The following RALGAPA2 variants were observed in gnomAD, a reference collection of about 807,000 sequenced individuals.
The protein encoded by RALGAPA2 is ral GTPase-activating protein subunit alpha-2.
In RALGAPA2, 139 loss-of-function variants were observed where a neutral mutation model predicts 230.4. The observed-to-expected ratio is 0.60, with a 90% CI of 0.53 to 0.69. RALGAPA2 has a LOEUF of 0.69. Among genes scored for constraint, RALGAPA2 ranks in the 30% least tolerant of loss-of-function variants. RALGAPA2 has a pLI of 0.00. For missense variants in RALGAPA2, 2,163 were observed against 2,276.0 expected (o/e 0.95, Z 1.01); for synonymous variants, 847 against 837.8 (o/e 1.01, Z -0.19).
At chr20:20,650,863 T>C (rs1442165533) in intron 4 of RALGAPA2, among the ~76,000 whole-genome samples, 1 of 152,212 alleles carries the variant, frequency 6.6e-6, no homozygotes, top group African/African-American at 2.4e-5. Flanking sequence ...GTGAGGTATA[T>C]ATGTATATAA....
intron 4 of RALGAPA2, among the ~76,000 whole-genome samples, chr20:20,653,043 A>G (rs562454777): frequency 5.3e-5 from 8 of 151,810 alleles, no homozygotes; most frequent in African/African-American, 1.9e-4. Flanking sequence ...ATACAAAAAA[A>G]AAATTAGCCG....
At chr20:20,591,631 G>C (rs1211821103) in intron 16 of RALGAPA2, among the ~76,000 whole-genome samples, 2 of 152,122 alleles carry the variant, frequency 1.3e-5, no homozygotes, top group African/African-American at 4.8e-5. Context: ...CAAGGAAAGA[G>C]AGATTCAGGA....
At chr20:20,481,816 A>G (rs2061782154) in intron 36 of RALGAPA2, among the ~76,000 whole-genome samples, 1 of 152,218 alleles carries the variant, frequency 6.6e-6, no homozygotes, top group South Asian at 2.1e-4. Context: ...TTATGCTCTT[A>G]TCAACTACAT....
Position 20,622,240 on chromosome 20 carries a change from T to A in RALGAPA2, c.1234-1610A>T, listed in dbSNP as rs568962506. ...AAGAGAAAATACAATGAATAGGTTA[T>A]CCAATGAATGACTGGAGATGCAGAA... On this transcript the variant is annotated intron_variant, in intron 10 of 39. Transcript: ENST00000202677. Among the ~76,000 whole-genome samples, 3 of 150,978 alleles carry A rather than the reference T, an allele frequency of 2.0e-5. No individual in the cohort carries two copies. The East Asian group carries it at 5.8e-4, about 29-fold the overall frequency.
chr20:20,625,100 C>G (rs1021916185), intron 10 of RALGAPA2, among the ~76,000 whole-genome samples: 1 of 152,112 alleles, frequency 6.6e-6, no homozygotes, highest in African/African-American at 2.4e-5. Flanking sequence ...TACCTGCTTG[C>G]TTATTTCCAT....
At chr20:20,411,901 A>G in intron 38 of RALGAPA2, 126 bp downstream of exon 38, 1 of 1,254,072 alleles carries the variant, frequency 8.0e-7, no homozygotes, top group South Asian at 1.4e-5. Context: ...TTTGATATTC[A>G]TTAGTTGATT....
intron 4 of RALGAPA2, among the ~76,000 whole-genome samples, chr20:20,650,172 T>C (rs1195211381): frequency 6.6e-6 from 1 of 152,096 alleles, no homozygotes; most frequent in African/African-American, 2.4e-5. Flanking sequence ...TTCAAATATG[T>C]TTCCTCATTC....
intron 1 of RALGAPA2, among the ~76,000 whole-genome samples, chr20:20,700,045 T>C (rs571231793): frequency 6.6e-6 from 1 of 152,138 alleles, no homozygotes; most frequent in South Asian, 2.1e-4. Flanking sequence ...CAGAAAAACA[T>C]GGAATCAACC....
intron 37 of RALGAPA2, among the ~76,000 whole-genome samples, chr20:20,449,410 A>G (rs2060938237): frequency 6.6e-6 from 1 of 152,252 alleles, no homozygotes; most frequent in Admixed American, 6.5e-5. Flanking sequence ...ATGGAAATGA[A>G]GGGAGCAGAA....
At chr20:20,582,945 T>A (rs1355241306) in intron 20 of RALGAPA2, 105 bp downstream of exon 20, 34 of 1,240,920 alleles carry the variant, frequency 2.7e-5, no homozygotes, top group Non-Finnish European at 3.4e-5. Flanking sequence ...ATGGCACACT[T>A]CCTCCTACAA....
chr20:20,554,580 G>T (rs1431894710), intron 23 of RALGAPA2, among the ~76,000 whole-genome samples: 1 of 152,068 alleles, frequency 6.6e-6, no homozygotes, highest in Admixed American at 6.6e-5. Flanking sequence ...TATTTGGGCT[G>T]TCTTTTTGTT....
intron 23 of RALGAPA2, 27 bp from the exon 24 acceptor site, chr20:20,546,859 A>G (rs2095158813): frequency 6.4e-7 from 1 of 1,554,216 alleles, no homozygotes; most frequent in Middle Eastern, 1.8e-4. Flanking sequence ...GAAAAAACAC[A>G]ATCGTAATGT....
intron 26 of RALGAPA2, among the ~76,000 whole-genome samples, chr20:20,534,553 CAA>C (rs964337431): frequency 1.5e-5 from 2 of 137,924 alleles, no homozygotes. Flanking sequence ...TCAGTACTGT[CAA>C]AAAAAAAAAA....
chr20:20,529,925 TA>T (rs916691129), intron 27 of RALGAPA2, among the ~76,000 whole-genome samples: 1 of 152,176 alleles, frequency 6.6e-6, no homozygotes, highest in Non-Finnish European at 1.5e-5. Flanking sequence ...CACCTTACAT[TA>T]ACTATATACA....
At chr20:20,635,298 A>T in intron 9 of RALGAPA2, 120 bp downstream of exon 9, 2 of 1,067,336 alleles carry the variant, frequency 1.9e-6, no homozygotes, top group Middle Eastern at 2.5e-4. Context: ...CAATAAAATC[A>T]CTTACCTATA....
Position 20,684,668 on chromosome 20 carries a change from G to C in RALGAPA2, c.107-3867C>G, listed in dbSNP as rs139344965. ...GTACATGTGTTGAGAACTCCTCAGT[G>C]GTCTGGGCACGCTCTTCACACAATT... On this transcript the variant is annotated intron_variant, in intron 1 of 39. Transcript: ENST00000202677. Among the ~76,000 whole-genome samples the C allele has an allele frequency of 2.3e-3, 347 of 152,220 alleles. 3 individuals carry two copies. Among genetic ancestry groups the C allele is most frequent in the African/African-American group, 8.0e-3 (333 of 41,522 alleles).
intron 12 of RALGAPA2, among the ~76,000 whole-genome samples, chr20:20,616,581 G>A (rs1475577540): frequency 2.0e-5 from 3 of 152,130 alleles, no homozygotes. Context: ...GGGGGAATGG[G>A]AGGAGTAGAG....
chr20:20,643,217 C>T (rs1435730838), intron 5 of RALGAPA2, among the ~76,000 whole-genome samples: 1 of 152,172 alleles, frequency 6.6e-6, no homozygotes, highest in African/African-American at 2.4e-5. Flanking sequence ...CTGGAGCAGT[C>T]AGTGCCTTGC....
intron 20 of RALGAPA2, among the ~76,000 whole-genome samples, chr20:20,581,342 T>C (rs1250198372): frequency 6.6e-6 from 1 of 152,160 alleles, no homozygotes; most frequent in Non-Finnish European, 1.5e-5. Flanking sequence ...GAAGCTTCAG[T>C]TTTGCCTCCT....
Sources: allele counts gnomAD v4.1 joint callset (sites outside exome capture counted in the v4.1 genomes callset), GRCh38; gene constraint gnomAD v4.1.1; transcripts MANE v1.5; gene names NCBI Gene and HGNC (gene_info 2026-07-23, HGNC 2026-07-21).